The following ARHGEF7 variants were observed in gnomAD, a reference collection of about 807,000 sequenced individuals.
ARHGEF7 encodes the protein Rho guanine nucleotide exchange factor 7.
A neutral mutation model predicts 109.8 loss-of-function variants in ARHGEF7; 33 were observed. The observed-to-expected ratio is 0.30, with a 90% confidence interval of 0.23 to 0.40. The LOEUF is 0.40. Ranked by LOEUF, ARHGEF7 falls within the 10% of genes least tolerant of loss-of-function variation. The pLI, the probability that ARHGEF7 is intolerant of heterozygous loss-of-function variation, is 1.00. For synonymous variants in ARHGEF7, 458 were observed against 424.6 expected (o/e 1.08, Z -0.97); for missense variants, 938 against 1,098.5 (o/e 0.85, Z 2.07).
intron 2 of ARHGEF7, among the ~76,000 whole-genome samples, chr13:111,164,181 C>A (rs1237532180): frequency 6.6e-6 from 1 of 152,182 alleles, no homozygotes; most frequent in Non-Finnish European, 1.5e-5. Context: ...CCTCACGATG[C>A]CCTGCAGAGA....
At chr13:111,250,490 C>G (rs771752544) in intron 8 of ARHGEF7, among the ~76,000 whole-genome samples, 5 of 152,162 alleles carry the variant, frequency 3.3e-5, no homozygotes, top group Non-Finnish European at 7.4e-5. Flanking sequence ...ATATCAGGCA[C>G]CAAGAGCAAA....
intron 2 of ARHGEF7, among the ~76,000 whole-genome samples, chr13:111,198,425 A>C (rs1328862088): frequency 6.6e-6 from 1 of 152,118 alleles, no homozygotes; most frequent in Non-Finnish European, 1.5e-5. Context: ...CAGTTCTTAA[A>C]GATGGTGTGT....
intron 2 of ARHGEF7, among the ~76,000 whole-genome samples, chr13:111,181,900 C>G (rs2078772506): frequency 6.6e-6 from 1 of 152,142 alleles, no homozygotes; most frequent in Non-Finnish European, 1.5e-5. Context: ...CTTGGTTGGC[C>G]TGTGAGCTTT....
chr13:111,266,729 A>G lies in ARHGEF7; in HGVS notation c.951-819A>G, dbSNP rs1479123807. 3 of 445,112 alleles carry G rather than the reference A, an allele frequency of 6.7e-6. No individual in the cohort carries two copies. The highest frequency in any genetic ancestry group is 1.6e-5 in the South Asian group (1 of 63,760). The allele number at this position is 445,112 out of a possible 1,614,324, so 27.6% of individuals were successfully genotyped here. ...TGGCTCCCATTCCCTAGGTAGGAGG[A>G]TGTAATCCTTCTGGTAATATTGTGG... On this transcript the variant is annotated intron_variant, in intron 8 of 21. Coordinates refer to ENST00000646102, the MANE Select transcript of ARHGEF7 (RefSeq NM_001354046.2). The surrounding 1 kb of genome is among the most constrained non-coding windows in gnomAD (Gnocchi z 4.8).
At chr13:111,124,757 TTTTTG>T (rs143194754) in intron 1 of ARHGEF7, among the ~76,000 whole-genome samples, 3 of 152,198 alleles carry the variant, frequency 2.0e-5, no homozygotes, top group African/African-American at 4.8e-5. Context: ...CTTCTAGTTT[TTTTTG>T]TTTTGTTTTG....
intron 17 of ARHGEF7, 149 bp from the exon 18 acceptor site, chr13:111,288,205 T>C (rs2093109129): frequency 6.6e-6 from 3 of 457,216 alleles, no homozygotes; most frequent in African/African-American, 1.9e-5. Flanking sequence ...TCATGAATTT[T>C]GTAGAAAACA....
intron 12 of ARHGEF7, 165 bp downstream of exon 12, chr13:111,275,843 A>G (rs1274270674): frequency 7.1e-6 from 6 of 845,754 alleles, no homozygotes; most frequent in South Asian, 6.5e-5. Context: ...GGCTTATGGC[A>G]TGTTAGAGAG....
At position 111,233,210 on chromosome 13, in the gene ARHGEF7, C is replaced by G. The variant is rs534587241; in HGVS notation, c.676C>G (p.Pro226Ala). 11 of 1,613,408 alleles carry G rather than the reference C, an allele frequency of 6.8e-6. No individual in the cohort carries two copies. The Admixed American group carries it at 1.0e-4, about 15-fold the overall frequency. Residue 226 changes from proline to alanine, a missense_variant, in exon 6 of 22, where the codon CCT becomes GCT. Around this residue, in one of 4 missense-constraint regions of ARHGEF7, gnomAD observed 585 missense variants for 723.6 expected, o/e 0.81. Transcript: ENST00000646102. ...ATGTTACATTTTCATTTCAGAGAAG[C>G]CTGTGTCTCCCAAATCAGGAACACT... Reference protein sequence around the residue: ...YVREVKASEKPVSPKSGTLKS... With the variant: ...YVREVKASEKAVSPKSGTLKS...
At position 111,273,721 on chromosome 13, in the gene ARHGEF7, T is replaced by C; in HGVS notation, c.1074-93T>C. The C allele has an allele frequency of 6.5e-7, 1 of 1,534,360 alleles. No homozygotes were observed. Among genetic ancestry groups the C allele is most frequent in the Non-Finnish European group, 9.0e-7 (1 of 1,115,836 alleles). ...AGATGTTAAAAGCAACACTTATGTT[T>C]CATAAATTCTGGCTGTTGCTCATGG... On this transcript the variant is annotated intron_variant, in intron 9 of 21. Coordinates refer to ENST00000646102, the MANE Select transcript of ARHGEF7 (RefSeq NM_001354046.2). This position sits in a 1 kb window ranked among gnomAD's most constrained non-coding sequence, Gnocchi z 4.5.
At chr13:111,283,435 C>G in intron 16 of ARHGEF7, 72 bp downstream of exon 16, 9 of 1,503,464 alleles carry the variant, frequency 6.0e-6, no homozygotes, top group Non-Finnish European at 8.0e-6. Context: ...TGCCCACGTG[C>G]TGGGCCTTCT....
rs553734317 is a variant in ARHGEF7, at chr13:111,131,110, G to C, written c.165+15419G>C. 1.3e-5 allele frequency among the ~76,000 whole-genome samples: 2 copies of C among 152,360 alleles called. No homozygotes were observed. Among genetic ancestry groups the C allele is most frequent in the African/African-American group, 4.8e-5 (2 of 41,584 alleles). On this transcript the variant is annotated intron_variant, in intron 1 of 21. Transcript: ENST00000646102. The surrounding 1 kb of genome is among the most constrained non-coding windows in gnomAD (Gnocchi z 4.4). ...CTTTGAAAACAATACTCTAGCCATA[G>C]CGTGGAGAACAGATGAAATGAGCCC...
Position 111,119,131 on chromosome 13 carries a change from T to C in ARHGEF7, c.165+3440T>C, listed in dbSNP as rs1381064631. Among the ~76,000 whole-genome samples, 4 of 152,222 alleles carry C rather than the reference T, an allele frequency of 2.6e-5. 1 individual carries two copies. Among genetic ancestry groups the C allele is most frequent in the Non-Finnish European group, 4.4e-5 (3 of 68,042 alleles). ...CTGGCTTGTGGCAACACAAGTCCAATCTTCACATGATGTCCGTGCTGTGGT... is the reference window on the plus strand; with the variant it reads ...CTGGCTTGTGGCAACACAAGTCCAACCTTCACATGATGTCCGTGCTGTGGT... On this transcript the variant is annotated intron_variant, in intron 1 of 21. Coordinates refer to ENST00000646102, the MANE Select transcript of ARHGEF7 (RefSeq NM_001354046.2).
At chr13:111,206,855 G>T (rs931403200) in intron 3 of ARHGEF7, among the ~76,000 whole-genome samples, 1 of 151,502 alleles carries the variant, frequency 6.6e-6, no homozygotes, top group Non-Finnish European at 1.5e-5. Flanking sequence ...CCAGCTACTC[G>T]GGAGGCTGAG....
At chr13:111,163,396 GC>G (rs2076892996) in intron 2 of ARHGEF7, among the ~76,000 whole-genome samples, 1 of 152,138 alleles carries the variant, frequency 6.6e-6, no homozygotes, top group Non-Finnish European at 1.5e-5. Flanking sequence ...AGTGTAGACA[GC>G]TAGACTTCCC....
intron 2 of ARHGEF7, among the ~76,000 whole-genome samples, chr13:111,175,304 A>G (rs2078031702): frequency 6.6e-6 from 1 of 152,224 alleles, no homozygotes; most frequent in Non-Finnish European, 1.5e-5. Context: ...ACATGTTCAC[A>G]ACAGAATTCC....
chr13:111,298,738 T>TGAG (rs2093483039), intron 19 of ARHGEF7, among the ~76,000 whole-genome samples: 1 of 152,212 alleles, frequency 6.6e-6, no homozygotes, highest in Non-Finnish European at 1.5e-5. Flanking sequence ...GGGACGCATG[T>TGAG]GAGGAGCTGG....
intron 2 of ARHGEF7, among the ~76,000 whole-genome samples, chr13:111,198,687 A>C (rs1287243278): frequency 6.6e-6 from 1 of 152,142 alleles, no homozygotes; most frequent in Admixed American, 6.5e-5. Flanking sequence ...TGTGGACCCA[A>C]AGAGTGAGCA....
intron 2 of ARHGEF7, among the ~76,000 whole-genome samples, chr13:111,183,430 A>G (rs868506384): frequency 3.3e-5 from 5 of 151,854 alleles, no homozygotes; most frequent in African/African-American, 7.3e-5. Flanking sequence ...TGTCTGGCAA[A>G]TGTTTTGATT....
At chr13:111,133,691 T>C (rs2074905677) in intron 1 of ARHGEF7, among the ~76,000 whole-genome samples, 1 of 146,734 alleles carries the variant, frequency 6.8e-6, no homozygotes, top group Middle Eastern at 3.2e-3. Flanking sequence ...CCTGTGGAAA[T>C]TGAGTGCTGG....
Sources: gnomAD v4.1 joint callset for allele counts (sites outside exome capture counted in the v4.1 genomes callset) on GRCh38, gnomAD v4.1.1 for gene constraint, gnomAD v4.1.1 regional missense constraint, Gnocchi (gnomAD v3.1) non-coding constraint, MANE v1.5 for transcripts, NCBI Gene and HGNC (gene_info 2026-07-23, HGNC 2026-07-21) for gene names.